ARMH3: variants seen among roughly 807,000 people sequenced by gnomAD.
The protein encoded by ARMH3 is armadillo-like helical domain-containing protein 3.
A neutral mutation model predicts 99.1 loss-of-function variants in ARMH3; 60 were observed. The ratio of observed to expected loss-of-function variants is 0.61; its 90% CI spans 0.49 to 0.75. The LOEUF is 0.75. Ranked by LOEUF, ARMH3 falls within the 30% of genes least tolerant of loss-of-function variation. The probability of loss-of-function intolerance (pLI) is 0.00; values close to 1 mark genes in which losing one functional copy is unlikely to be tolerated. For missense variants in ARMH3, 679 were observed against 843.1 expected (o/e 0.81, Z 2.41); for synonymous variants, 285 against 292.8 (o/e 0.97, Z 0.27).
intron 24 of ARMH3, among the ~76,000 whole-genome samples, chr10:101,867,210 A>C (rs2067024718): frequency 6.6e-6 from 1 of 152,182 alleles, no homozygotes; most frequent in Non-Finnish European, 1.5e-5. Flanking sequence ...GGCCTGGACA[A>C]CAAAAACTCT....
chr10:101,938,226 A>G (rs1026300264), intron 23 of ARMH3, among the ~76,000 whole-genome samples: 5 of 152,228 alleles, frequency 3.3e-5, no homozygotes, highest in African/African-American at 1.2e-4. Flanking sequence ...TAGCAACAGT[A>G]AAAATGATGT....
At chr10:101,969,153 CG>C (rs1845664307) in intron 20 of ARMH3, among the ~76,000 whole-genome samples, 1 of 152,054 alleles carries the variant, frequency 6.6e-6, no homozygotes, top group South Asian at 2.1e-4. Context: ...TGTTCTTTCC[CG>C]CCTGGATACT....
chr10:101,958,270 C>G (rs1362003223), intron 20 of ARMH3, among the ~76,000 whole-genome samples: 1 of 152,226 alleles, frequency 6.6e-6, no homozygotes, highest in Non-Finnish European at 1.5e-5. Context: ...AAGCCCTTAA[C>G]TGCTCTAACT....
Position 101,851,858 on chromosome 10 carries a change from T to A in ARMH3, c.1861-1966A>T, listed in dbSNP as rs542967680. ...CTGTAGTATAGGCTGGTTCCTCTGC[T>A]TCTCATTCCACTTGTCAGTTCTGTA... On this transcript the variant is annotated intron_variant, in intron 24 of 25. Transcript: ENST00000370033. Among the ~76,000 whole-genome samples, 3 of 152,314 alleles carry A rather than the reference T, an allele frequency of 2.0e-5. No individual in the cohort carries two copies. In the South Asian group the frequency reaches 6.2e-4, roughly 32 times the overall value.
chr10:101,993,454 C>T, intron 17 of ARMH3, 84 bp downstream of exon 17: 1 of 1,034,922 alleles, frequency 9.7e-7, no homozygotes, highest in East Asian at 2.4e-5. Flanking sequence ...CACATTTGTT[C>T]TAGTAAGATC....
intron 23 of ARMH3, among the ~76,000 whole-genome samples, chr10:101,914,256 A>C (rs1842984929): frequency 6.6e-6 from 1 of 152,058 alleles, no homozygotes; most frequent in African/African-American, 2.4e-5. Flanking sequence ...TGGGAGGCCA[A>C]GGCAGGAGGA....
chr10:102,030,448 C>T (rs2067101612), intron 4 of ARMH3, among the ~76,000 whole-genome samples: 1 of 152,160 alleles, frequency 6.6e-6, no homozygotes, highest in East Asian at 1.9e-4. Context: ...GTGGCTCAAG[C>T]CTGTAATCCC....
intron 23 of ARMH3, among the ~76,000 whole-genome samples, chr10:101,890,426 G>A (rs746081213): frequency 5.9e-5 from 9 of 151,730 alleles, no homozygotes; most frequent in South Asian, 2.1e-4. Flanking sequence ...TTTGTATTTT[G>A]TTGGTAGAAA....
At chr10:101,898,706 A>G (rs907227265) in intron 23 of ARMH3, among the ~76,000 whole-genome samples, 2 of 152,170 alleles carry the variant, frequency 1.3e-5, no homozygotes, top group Non-Finnish European at 2.9e-5. Context: ...ACACACACAT[A>G]TATGTATGTA....
At position 102,054,527 on chromosome 10, in the gene ARMH3, T is replaced by C. The variant is rs143380486; in HGVS notation, c.-12+1558A>G. On this transcript the variant is annotated intron_variant, in intron 1 of 25. Transcript: ENST00000370033. The stretch of plus-strand genomic sequence containing the variant: ...AAGAGGGATCCCTCTTTCCCTTGAC[T>C]GTGATCTGATATCCTGAAAGTCTTC... Among the ~76,000 whole-genome samples the C allele has an allele frequency of 4.6e-5, 7 of 152,312 alleles. No homozygotes were observed. The East Asian group carries it at 1.3e-3, about 29-fold the overall frequency.
At position 101,889,588 on chromosome 10, in the gene ARMH3, G is replaced by C. The variant is rs560502137; in HGVS notation, c.1782-98C>G. The C allele has an allele frequency of 3.0e-5, 34 of 1,119,022 alleles. No individual in the cohort carries two copies. In the South Asian group the frequency reaches 3.2e-4, roughly 11 times the overall value. 69.3% of individuals were successfully genotyped at this position (1,119,022 alleles called of 1,614,324 possible). A position where few individuals can be genotyped will look rare whatever the true frequency, so the allele number is the denominator to read the frequency against. On this transcript the variant is annotated intron_variant, in intron 23 of 25. Coordinates refer to ENST00000370033, the MANE Select transcript of ARMH3 (RefSeq NM_024541.3). ...AAGTACCCTCTGGTTTAGAGTACTA[G>C]AGCATGGGACCGATTGTGACTGGGT...
rs1051714386 is a variant in ARMH3 at position 101,920,745 on chromosome 10, A to G, written c.1781+19118T>C. ...GTAGCCAAAAGGCAGAAGCAACCCA[A>G]GGGTCACCAACAGATAACTGGATAA... On this transcript the variant is annotated intron_variant, in intron 23 of 25. Coordinates refer to ENST00000370033, the MANE Select transcript of ARMH3 (RefSeq NM_024541.3). Among the ~76,000 whole-genome samples the G allele has an allele frequency of 6.6e-5, 10 of 152,316 alleles. No homozygotes were observed. In the South Asian group the frequency reaches 1.4e-3, roughly 22 times the overall value.
At chr10:102,039,649 G>A (rs1271250345) in intron 2 of ARMH3, among the ~76,000 whole-genome samples, 1 of 152,054 alleles carries the variant, frequency 6.6e-6, no homozygotes, top group East Asian at 1.9e-4. Flanking sequence ...AGAATTCTAG[G>A]TCCAAAAGAA....
At chr10:101,858,017 T>C (rs1005854894) in intron 24 of ARMH3, among the ~76,000 whole-genome samples, 2 of 152,232 alleles carry the variant, frequency 1.3e-5, no homozygotes, top group Non-Finnish European at 1.5e-5. Flanking sequence ...GTAACAATTA[T>C]GTTAAGTGGT....
chr10:101,892,160 G>A (rs1045904863), intron 23 of ARMH3, among the ~76,000 whole-genome samples: 9 of 152,004 alleles, frequency 5.9e-5, no homozygotes, highest in East Asian at 1.9e-4. Context: ...AAATGGGTGC[G>A]TGGGCTGGGT....
At chr10:101,957,799 C>T in intron 20 of ARMH3, 67 bp from the exon 21 acceptor site, 17 of 1,470,846 alleles carry the variant, frequency 1.2e-5, no homozygotes, top group Non-Finnish European at 1.5e-5. Flanking sequence ...TAAATAAAAA[C>T]AGACTAGCTC....
intron 22 of ARMH3, among the ~76,000 whole-genome samples, chr10:101,943,877 A>G (rs1043979558): frequency 2.0e-5 from 3 of 151,656 alleles, no homozygotes; most frequent in African/African-American, 4.8e-5. Context: ...ATCCTGGCAA[A>G]CACGGTGAAA....
chr10:102,053,115 G>A (rs950633288), intron 1 of ARMH3, among the ~76,000 whole-genome samples: 4 of 144,928 alleles, frequency 2.8e-5, no homozygotes, highest in African/African-American at 5.1e-5. Flanking sequence ...CAGACTCTCA[G>A]TCAATTGCAA....
intron 20 of ARMH3, among the ~76,000 whole-genome samples, chr10:101,965,580 T>C (rs1385869421): frequency 1.3e-5 from 2 of 152,252 alleles, no homozygotes; most frequent in African/African-American, 4.8e-5. Context: ...TCCTAATCCT[T>C]GCTGTTTCAT....
Sources: allele counts gnomAD v4.1 joint callset (sites outside exome capture counted in the v4.1 genomes callset), GRCh38; gene constraint gnomAD v4.1.1; transcripts MANE v1.5; gene names NCBI Gene and HGNC (gene_info 2026-07-23, HGNC 2026-07-21).